GNPAT: variants seen among roughly 807,000 people sequenced by gnomAD.
GNPAT encodes glyceronephosphate O-acyltransferase, also known as dihydroxyacetone phosphate acyltransferase.
Under a neutral mutation model 78.4 loss-of-function variants are expected in GNPAT, and 30 were observed. The ratio of observed to expected loss-of-function variants is 0.38; its 90% CI spans 0.29 to 0.52. The LOEUF is 0.52. Among genes scored for constraint, GNPAT ranks in the 20% least tolerant of loss-of-function variants. The probability of loss-of-function intolerance (pLI) is 0.84; values close to 1 mark genes in which losing one functional copy is unlikely to be tolerated. For missense variants in GNPAT, 714 were observed against 812.2 expected (o/e 0.88, Z 1.47); for synonymous variants, 271 against 281.1 (o/e 0.96, Z 0.36).
At position 231,273,985 on chromosome 1, in the gene GNPAT, A is replaced by T. The variant is rs1471925245; in HGVS notation, c.1666A>T (p.Ile556Phe). Residue 556 changes from isoleucine (I) to phenylalanine (F), a missense_variant, in exon 12 of 16, where the codon ATC (isoleucine) becomes TTC (phenylalanine). Ile to Phe is a conservative substitution (Grantham distance 21). Coordinates refer to ENST00000366647, the MANE Select transcript of GNPAT (RefSeq NM_014236.4). ...AGCCATACAAGTGACTACGAAAGAC[A>T]TCCTAGTTACAGAGAAAGGAAATAC... is the stretch of plus-strand genomic sequence containing the variant. The part of the protein sequence containing the change: ...SEAIQVTTKD[I>F]LVTEKGNTVL... 3 of 1,608,614 alleles carry T rather than the reference A, an allele frequency of 1.9e-6. No homozygotes were observed. Among genetic ancestry groups the T allele is most frequent in the Middle Eastern group, 1.7e-4 (1 of 6,046 alleles).
chr1:231,263,293 A>G (rs992248459), intron 4 of GNPAT, among the ~76,000 whole-genome samples: 1 of 152,188 alleles, frequency 6.6e-6, no homozygotes, highest in Non-Finnish European at 1.5e-5. Context: ...TTGTGCTGCT[A>G]TCAACACCAT....
chr1:231,249,962 A>C (rs1009488898), intron 1 of GNPAT, among the ~76,000 whole-genome samples: 4 of 152,004 alleles, frequency 2.6e-5, no homozygotes, highest in Admixed American at 1.3e-4. Context: ...AAAATTTGTC[A>C]CAGGCCAGGC....
intron 10 of GNPAT, among the ~76,000 whole-genome samples, chr1:231,272,096 T>A (rs1685584676): frequency 6.6e-6 from 1 of 152,156 alleles, no homozygotes; most frequent in Non-Finnish European, 1.5e-5. Context: ...CGAGACTCCA[T>A]CTCAAAAAAC....
At position 231,265,707 on chromosome 1, in the gene GNPAT, T is replaced by C. The variant is rs1169697392; in HGVS notation, c.697-5T>C. On this transcript the variant is annotated splice_region_variant and splice_polypyrimidine_tract_variant and intron_variant, in intron 5 of 15. Transcript: ENST00000366647. Reference sequence around the variant, plus strand: ...TTTTGTGTTTTGTTTGTTTTCTCTTTAAAGAATGGTTATGCTCCTGTTGAA... The same window carrying C: ...TTTTGTGTTTTGTTTGTTTTCTCTTCAAAGAATGGTTATGCTCCTGTTGAA... The C allele has an allele frequency of 6.4e-7, 1 of 1,561,598 alleles. No individual in the cohort carries two copies.
chr1:231,243,724 T>G (rs1262455567), intron 1 of GNPAT, among the ~76,000 whole-genome samples: 2 of 152,096 alleles, frequency 1.3e-5, no homozygotes, highest in Non-Finnish European at 2.9e-5. Flanking sequence ...TAGAATTAGT[T>G]AGATTTGGGT....
chr1:231,253,144 A>T (rs770570947), intron 2 of GNPAT, among the ~76,000 whole-genome samples: 1 of 151,274 alleles, frequency 6.6e-6, no homozygotes, highest in Non-Finnish European at 1.5e-5. Context: ...AATTTTTTGT[A>T]TTTTTTAGCA....
In GNPAT at chr1:231,277,547, C is replaced by G. The variant is rs370735325; in HGVS notation, c.*5C>G. 6.5e-7 allele frequency: 1 copy of G among 1,544,264 alleles called. No individual in the cohort carries two copies. The highest frequency in any genetic ancestry group is 1.4e-5 in the African/African-American group (1 of 73,664). On this transcript the variant is annotated 3_prime_UTR_variant, in exon 16 of 16. Coordinates refer to ENST00000366647, the MANE Select transcript of GNPAT (RefSeq NM_014236.4). ...CCAGCCACTGCAAAACTTTAATAAT[C>G]AACAAATAGTTATGGAAAATTCGGT...
Position 231,273,961 on chromosome 1 carries a change from G to A in GNPAT, c.1642G>A (p.Ala548Thr). The change falls in exon 12 of 16, where the codon GCC becomes ACC. Residue 548 changes from alanine (A) to threonine (T), a missense_variant. Ala to Thr is a moderately conservative substitution (Grantham distance 58, BLOSUM62 0). Coordinates refer to ENST00000366647, the MANE Select transcript of GNPAT (RefSeq NM_014236.4). ...EGCYLLCKSE[A>T]IQVTTKDILV... is the part of the protein sequence containing the mutation. ...CTGTTACCTGCTTTGTAAAAGTGAA[G>A]CCATACAAGTGACTACGAAAGACAT... 1.2e-6 allele frequency: 2 copies of A among 1,612,716 alleles called. No homozygotes were observed. Among genetic ancestry groups the A allele is most frequent in the East Asian group, 4.5e-5 (2 of 44,882 alleles).
chr1:231,246,929 G>A (rs1684765628), intron 1 of GNPAT, among the ~76,000 whole-genome samples: 1 of 152,126 alleles, frequency 6.6e-6, no homozygotes, highest in African/African-American at 2.4e-5. Context: ...CAGCACTTTG[G>A]GAGGCCTAGG....
rs1450672991 is a variant in GNPAT, at chr1:231,277,704, A to G, written c.*162A>G. The G allele has an allele frequency of 3.1e-6, 2 of 635,270 alleles. No individual in the cohort carries two copies. Among genetic ancestry groups the G allele is most frequent in the Non-Finnish European group, 2.9e-6 (1 of 348,934 alleles). The allele number at this position is 635,270 out of a possible 1,614,324, so 39.4% of individuals were successfully genotyped here. On this transcript the variant is annotated 3_prime_UTR_variant, in exon 16 of 16. Coordinates refer to ENST00000366647, the MANE Select transcript of GNPAT (RefSeq NM_014236.4). The stretch of plus-strand genomic sequence containing the variant: ...GAAGAGATGATCATTGGAAGCAATC[A>G]GTTTACTCTTCCCCACCACAGTGGT...
chr1:231,276,328 C>G (rs962078741), intron 15 of GNPAT, 132 bp downstream of exon 15: 1 of 645,694 alleles, frequency 1.5e-6, no homozygotes, highest in Non-Finnish European at 2.8e-6. Context: ...AAGGGAATTA[C>G]TTATGCAGTC....
At chr1:231,273,342 C>G (rs982239087) in intron 11 of GNPAT, among the ~76,000 whole-genome samples, 1 of 150,342 alleles carries the variant, frequency 6.7e-6, no homozygotes, top group African/African-American at 2.5e-5. Context: ...AGCTCTGCCT[C>G]CCGGGTTCAC....
intron 1 of GNPAT, among the ~76,000 whole-genome samples, chr1:231,246,517 A>G (rs1012866400): frequency 6.6e-6 from 1 of 152,170 alleles, no homozygotes. Context: ...AGAAAGGCCT[A>G]TTTCACTAGC....
In GNPAT at chr1:231,241,386, C is replaced by A. The variant is rs1415005408; in HGVS notation, c.8C>A (p.Ser3Tyr). Reference sequence around the variant, plus strand: ...CGGGAAGGCAGCCGCACCATGGAGTCTTCCAGTTCATCTAACTCTTATTTC... The same window carrying A: ...CGGGAAGGCAGCCGCACCATGGAGTATTCCAGTTCATCTAACTCTTATTTC... ME[S>Y]SSSSNSYFSV... is the part of the protein sequence containing the mutation. Residue 3 changes from serine (S) to tyrosine (Y), a missense_variant, in exon 1 of 16, where the codon TCT becomes TAT. Coordinates refer to ENST00000366647, the MANE Select transcript of GNPAT (RefSeq NM_014236.4). 6.2e-7 allele frequency: 1 copy of A among 1,613,430 alleles called. No homozygotes were observed. Among genetic ancestry groups the A allele is most frequent in the Admixed American group, 1.7e-5 (1 of 60,030 alleles).
At chr1:231,260,864 A>G (rs1166531549) in intron 3 of GNPAT, among the ~76,000 whole-genome samples, 181 bp downstream of exon 3, 2 of 152,190 alleles carry the variant, frequency 1.3e-5, no homozygotes, top group African/African-American at 4.8e-5. Context: ...GAGGATGTGC[A>G]TCTCTGAAGG....
intron 9 of GNPAT, 97 bp from the exon 10 acceptor site, chr1:231,270,661 G>A (rs1241502784): frequency 2.6e-6 from 3 of 1,163,064 alleles, no homozygotes; most frequent in Non-Finnish European, 3.9e-6. Flanking sequence ...TTGAAAATGA[G>A]CATCTGTCAC....
At chr1:231,244,599 G>C (rs1481406845) in intron 1 of GNPAT, among the ~76,000 whole-genome samples, 1 of 152,162 alleles carries the variant, frequency 6.6e-6, no homozygotes, top group South Asian at 2.1e-4. Context: ...TGTTCAGTTT[G>C]TGATGTAAGA....
At chr1:231,251,264 T>C in intron 2 of GNPAT, 121 bp downstream of exon 2, 1 of 648,470 alleles carries the variant, frequency 1.5e-6, no homozygotes, top group Non-Finnish European at 2.7e-6. Context: ...ATCACATTTA[T>C]CAAATAATTA....
chr1:231,258,928 C>T (rs888751640), intron 2 of GNPAT, among the ~76,000 whole-genome samples: 2 of 152,042 alleles, frequency 1.3e-5, no homozygotes, highest in Admixed American at 6.5e-5. Flanking sequence ...TGAGCCACCA[C>T]GCCCAGCCAA....
Sources: allele counts gnomAD v4.1 joint callset (sites outside exome capture counted in the v4.1 genomes callset), GRCh38; gene constraint gnomAD v4.1.1; transcripts MANE v1.5; gene names NCBI Gene and HGNC (gene_info 2026-07-23, HGNC 2026-07-21).